Variants in EMC3 observed in about 807,000 individuals in gnomAD.
EMC3 encodes 30 kDa protein.
In EMC3, 13 loss-of-function variants were observed where a neutral mutation model predicts 36.6. That is an observed-to-expected ratio of 0.35 (90% CI 0.23 to 0.56). The LOEUF is 0.56. EMC3 is among the 20% of genes least tolerant of loss of function. EMC3 has a pLI of 0.84. For missense variants in EMC3, 220 were observed against 324.5 expected, an observed-to-expected ratio of 0.68 and a Z score of 2.47; for synonymous variants, 120 against 111.9, an observed-to-expected ratio of 1.07 and a Z score of -0.46.
At chr3:9,999,488 C>T (rs2086171621) in intron 1 of EMC3, among the ~76,000 whole-genome samples, 2 of 152,170 alleles carry the variant, frequency 1.3e-5, no homozygotes, top group Admixed American at 1.3e-4. Context: ...ATCTGCCTAC[C>T]TCAGCCTCCC....
At chr3:10,003,153 C>G in intron 1 of EMC3, 1 of 456,750 alleles carries the variant, frequency 2.2e-6, no homozygotes, top group Non-Finnish European at 4.4e-6. Context: ...ACCCTGTGGC[C>G]TTCTCCACCA....
chr3:10,002,274 CT>C (rs796467672), intron 1 of EMC3, among the ~76,000 whole-genome samples: 4 of 99,626 alleles, frequency 4.0e-5, no homozygotes, highest in Non-Finnish European at 8.1e-5. Context: ...TCAGCAGTTT[CT>C]TTTTTTATTT....
chr3:9,993,541 CT>C (rs2086081822), intron 1 of EMC3, among the ~76,000 whole-genome samples: 1 of 152,038 alleles, frequency 6.6e-6, no homozygotes, highest in Non-Finnish European at 1.5e-5. Context: ...TCTAGCAGTT[CT>C]TTTCTGTGTT....
At chr3:9,968,083 A>C (rs2085750134) in intron 7 of EMC3, among the ~76,000 whole-genome samples, 1 of 152,100 alleles carries the variant, frequency 6.6e-6, no homozygotes, top group South Asian at 2.1e-4. Flanking sequence ...CACCATGCAC[A>C]GCTAATTTTT....
At chr3:9,999,315 C>G (rs770423891) in intron 1 of EMC3, among the ~76,000 whole-genome samples, 1 of 151,174 alleles carries the variant, frequency 6.6e-6, no homozygotes, top group Non-Finnish European at 1.5e-5. Context: ...GATCTCGACT[C>G]TCTGCAATCT....
intron 1 of EMC3, chr3:10,008,235 G>A (rs919701540): frequency 1.3e-4 from 54 of 426,646 alleles, no homozygotes; most frequent in African/African-American, 1.0e-3. Context: ...ATCACTGGAC[G>A]AGGCCAGAAT....
chr3:9,977,212 T>C (rs2085859598), intron 2 of EMC3, among the ~76,000 whole-genome samples, 162 bp from the exon 3 acceptor site: 2 of 152,188 alleles, frequency 1.3e-5, no homozygotes, highest in Middle Eastern at 3.2e-3. Context: ...CTGAGTCACA[T>C]TTAAAAACAA....
At chr3:9,977,468 ATG>A in intron 1 of EMC3, 22 bp from the exon 2 acceptor site, 1 of 1,605,542 alleles carries the variant, frequency 6.2e-7, no homozygotes, top group Non-Finnish European at 8.5e-7. Flanking sequence ...AACCAACACA[ATG>A]AGATTTTAAA....
At chr3:10,003,344 TG>T in intron 1 of EMC3, 1 of 388,034 alleles carries the variant, frequency 2.6e-6, no homozygotes, top group South Asian at 1.9e-5. Flanking sequence ...AAAATGTTTT[TG>T]CCTGTGTCCA....
chr3:10,010,559 C>A (rs1315107280), intron 1 of EMC3, among the ~76,000 whole-genome samples: 3 of 152,186 alleles, frequency 2.0e-5, no homozygotes, highest in Admixed American at 6.5e-5. Flanking sequence ...TCATAGCCCC[C>A]ACCTCTATGG....
chr3:9,980,886 A>G (rs2085904181), intron 1 of EMC3, among the ~76,000 whole-genome samples: 1 of 152,172 alleles, frequency 6.6e-6, no homozygotes, highest in Admixed American at 6.5e-5. Flanking sequence ...AAGGCACATG[A>G]TAGGCCATCA....
intron 1 of EMC3, chr3:10,005,021 C>T (rs1231908251): frequency 6.6e-6 from 1 of 152,192 alleles, no homozygotes; most frequent in Non-Finnish European, 1.5e-5. Flanking sequence ...TTCATAGACA[C>T]CATCTGATAG....
chr3:9,980,488 C>G (rs1487536201), intron 1 of EMC3, among the ~76,000 whole-genome samples: 2 of 151,688 alleles, frequency 1.3e-5, no homozygotes, highest in African/African-American at 4.9e-5. Flanking sequence ...ATCTTAGTCT[C>G]CCGAGTAGCT....
intron 1 of EMC3, among the ~76,000 whole-genome samples, chr3:9,984,616 C>T (rs2085950133): frequency 6.6e-6 from 1 of 152,106 alleles, no homozygotes; most frequent in Non-Finnish European, 1.5e-5. Flanking sequence ...TGGTCTCGAT[C>T]TCCTGACCTC....
chr3:9,986,727 C>A lies in EMC3; in HGVS notation c.-66G>T. The A allele has an allele frequency of 2.5e-6, 4 of 1,594,054 alleles. No individual in the cohort carries two copies. The South Asian group carries it at 4.5e-5, about 18-fold the overall frequency. ...TCTCTTCTCCGGGGCACAGTTGCTT[C>A]TCTTCGGCTTCGCCTCCGGGCCTTC... On this transcript the variant is annotated 5_prime_UTR_variant, in exon 1 of 8. Transcript: ENST00000245046.
chr3:9,969,766 T>A lies in EMC3; in HGVS notation c.610A>T (p.Thr204Ser). 1 of 1,613,886 alleles carries A rather than the reference T, an allele frequency of 6.2e-7. No homozygotes were observed. The highest frequency in any genetic ancestry group is 1.1e-5 in the South Asian group (1 of 91,060). Residue 204 changes from threonine (T) to serine (S), a missense_variant, in exon 7 of 8, where the codon ACG becomes TCG. Thr to Ser is a moderately conservative substitution (Grantham distance 58). Transcript: ENST00000245046. ...GCGGGCATGGCCATGGCTGCTCCCG[T>A]CATCTGCTCCTGCATCATTCGTGAT... is the stretch of plus-strand genomic sequence containing the variant. Reference protein sequence around the residue: ...DQSRMMQEQMTGAAMAMPADT... With the variant: ...DQSRMMQEQMSGAAMAMPADT...
chr3:10,002,362 C>T (rs370981155), intron 1 of EMC3, among the ~76,000 whole-genome samples: 3 of 149,246 alleles, frequency 2.0e-5, no homozygotes, highest in East Asian at 3.9e-4. Context: ...AATCTTGGCT[C>T]ACTGCAGCCT....
chr3:10,002,855 CCTCCCTGG>C, intron 1 of EMC3: 1 of 456,202 alleles, frequency 2.2e-6, no homozygotes, highest in South Asian at 1.5e-5. Context: ...GACCCAGAAA[CCTCCCTGG>C]CTCAACAAGG....
intron 3 of EMC3, 96 bp downstream of exon 3, chr3:9,976,861 A>G: frequency 1.2e-6 from 1 of 820,822 alleles, no homozygotes; most frequent in East Asian, 2.4e-5. Flanking sequence ...GCAATTTAAC[A>G]TTTAAATAAA....
Sources: gnomAD v4.1 joint callset for allele counts (sites outside exome capture counted in the v4.1 genomes callset) on GRCh38, gnomAD v4.1.1 for gene constraint, MANE v1.5 for transcripts, NCBI Gene and HGNC (gene_info 2026-07-23, HGNC 2026-07-21) for gene names.